The following RHBDL2 variants were observed in gnomAD, a reference collection of about 807,000 sequenced individuals.
The protein encoded by RHBDL2 is rhomboid-related protein 2.
Under a neutral mutation model 31.7 loss-of-function variants are expected in RHBDL2, and 26 were observed. That is an observed-to-expected ratio of 0.82 (90% CI 0.60 to 1.14). RHBDL2 has a LOEUF of 1.14. RHBDL2 is among the 50% of genes most tolerant of loss of function. The pLI, the probability that RHBDL2 is intolerant of heterozygous loss-of-function variation, is 0.00. For missense variants in RHBDL2, 336 were observed against 364.4 expected (o/e 0.92, Z 0.63); for synonymous variants, 123 against 127.2 (o/e 0.97, Z 0.22).
At chr1:38,940,690 C>T (rs144357601) in intron 1 of RHBDL2, among the ~76,000 whole-genome samples, 2 of 152,336 alleles carry the variant, frequency 1.3e-5, no homozygotes, top group Non-Finnish European at 2.9e-5. Flanking sequence ...GAAGGCTCCA[C>T]AATGAGCCTG....
intron 4 of RHBDL2, among the ~76,000 whole-genome samples, chr1:38,901,408 C>T (rs1399589456): frequency 6.8e-6 from 1 of 146,290 alleles, no homozygotes; most frequent in Admixed American, 6.9e-5. Flanking sequence ...GTTGCAGTAA[C>T]CCAAGATCGC....
intron 4 of RHBDL2, among the ~76,000 whole-genome samples, chr1:38,899,692 T>C (rs939937518): frequency 6.6e-6 from 1 of 152,220 alleles, no homozygotes; most frequent in Non-Finnish European, 1.5e-5. Flanking sequence ...AAAAGTGAGC[T>C]TTGTCCTGGG....
Position 38,911,647 on chromosome 1 carries a change from C to A in RHBDL2, c.396-213G>T, listed in dbSNP as rs9438992. The stretch of plus-strand genomic sequence containing the variant: ...GTGTGTGTGTGTGTGTGTGTGTGTG[C>A]GCGCGCGCGCGCGTGTGTGACTTGC... On this transcript the variant is annotated intron_variant, in intron 3 of 7. Transcript: ENST00000372990. Among the ~76,000 whole-genome samples, 9 of 54,210 alleles carry A rather than the reference C, an allele frequency of 1.7e-4. No homozygotes were observed. The East Asian group carries it at 3.9e-3, about 24-fold the overall frequency. The allele number at this position is 54,210 out of a possible 152,430, so 35.6% of individuals were successfully genotyped here. A position where few individuals can be genotyped will look rare whatever the true frequency, so the allele number is the denominator to read the frequency against.
chr1:38,911,802 G>A (rs1357562187), intron 3 of RHBDL2, among the ~76,000 whole-genome samples: 1 of 151,640 alleles, frequency 6.6e-6, no homozygotes. Flanking sequence ...ACCACTCCTG[G>A]CTAATTTTTT....
At chr1:38,889,436 G>A (rs1642828050) in intron 6 of RHBDL2, among the ~76,000 whole-genome samples, 1 of 152,130 alleles carries the variant, frequency 6.6e-6, no homozygotes, top group South Asian at 2.1e-4. Context: ...CATATAGGAA[G>A]TAGACTATAA....
At chr1:38,902,201 C>T (rs796428772) in intron 4 of RHBDL2, among the ~76,000 whole-genome samples, 13 of 92,806 alleles carry the variant, frequency 1.4e-4, no homozygotes, top group Admixed American at 4.7e-4. Context: ...TTTTCTTTTT[C>T]TTTTTTTTTT....
At chr1:38,929,793 C>T (rs917046124) in intron 1 of RHBDL2, among the ~76,000 whole-genome samples, 13 of 152,174 alleles carry the variant, frequency 8.5e-5, no homozygotes, top group Non-Finnish European at 1.8e-4. Flanking sequence ...ACACTGCAAA[C>T]CATCATTATG....
Position 38,915,697 on chromosome 1 carries a change from A to C in RHBDL2, c.260T>G (p.Ile87Ser). Residue 87 changes from isoleucine to serine, a missense_variant, in exon 3 of 8, where the codon ATT becomes AGT. Coordinates refer to ENST00000372990, the MANE Select transcript of RHBDL2 (RefSeq NM_017821.5). ...SISLAELAVF[I>S]YYAVWKPQKQ... ...CTGAGGCTTCCACACAGCATAGTAAATAAACACTGCCAGCTGATGGAGGGA... is the reference window on the plus strand; with the variant it reads ...CTGAGGCTTCCACACAGCATAGTAACTAAACACTGCCAGCTGATGGAGGGA... The C allele has an allele frequency of 6.2e-7, 1 of 1,614,146 alleles. No individual in the cohort carries two copies. The highest frequency in any genetic ancestry group is 8.5e-7 in the Non-Finnish European group (1 of 1,180,020).
chr1:38,895,074 A>G (rs1642900503), intron 5 of RHBDL2, among the ~76,000 whole-genome samples: 1 of 152,112 alleles, frequency 6.6e-6, no homozygotes, highest in South Asian at 2.1e-4. Context: ...TTTCAGCGAG[A>G]GATTCATTAA....
chr1:38,886,673 G>T lies in RHBDL2; in HGVS notation c.743C>A (p.Ala248Glu). ...AGCAAATCCACCTGCAATGTGAGCT[G>T]CAAAAGACACCTTGGGAGAAAAGGA... ...VPEDGSPVSFAAHIAGGFAGM... is the reference protein window; with the variant it reads ...VPEDGSPVSFEAHIAGGFAGM... Residue 248 changes from alanine to glutamate, a missense_variant, in exon 8 of 8, where the codon GCA (alanine) becomes GAA (glutamate). Ala to Glu is a moderately radical substitution (Grantham distance 107). Transcript: ENST00000372990. The T allele has an allele frequency of 6.4e-7, 1 of 1,550,906 alleles. No homozygotes were observed. The highest frequency in any genetic ancestry group is 8.7e-7 in the Non-Finnish European group (1 of 1,143,614).
intron 4 of RHBDL2, among the ~76,000 whole-genome samples, chr1:38,907,811 T>C (rs1304656373): frequency 6.6e-6 from 1 of 152,166 alleles, no homozygotes; most frequent in Non-Finnish European, 1.5e-5. Flanking sequence ...GAAAAAATCC[T>C]CAGGACCTAA....
In RHBDL2 at chr1:38,919,120, T is replaced by C; in HGVS notation, c.93A>G (p.Arg31=). The C allele has an allele frequency of 6.2e-7, 1 of 1,614,112 alleles. No individual in the cohort carries two copies. Among genetic ancestry groups the C allele is most frequent in the Non-Finnish European group, 8.5e-7 (1 of 1,180,016 alleles). Residue 31 remains arginine (R), a synonymous_variant, in exon 2 of 8, where the codon AGA becomes AGG. Coordinates refer to ENST00000372990, the MANE Select transcript of RHBDL2 (RefSeq NM_017821.5). ...KEELEEEEKM[R]EDGGGKDRAK... ...CCCGATCTTTACCTCCCCCATCCTC[T>C]CTCATTTTCTCCTCTTCCTCCAGCT...
chr1:38,887,487 C>T (rs188010876), intron 7 of RHBDL2, among the ~76,000 whole-genome samples: 2 of 152,138 alleles, frequency 1.3e-5, no homozygotes, highest in African/African-American at 4.8e-5. Context: ...TGCAGTGGTG[C>T]GATCTCGGCT....
In RHBDL2 at chr1:38,887,990, C is replaced by T; in HGVS notation, c.705G>A (p.Arg235=). ...GAGACCCATCTTCAGGAACAAAGAA[C>T]CTTCTATAGAGAGCAAATCCCATGT... is the stretch of plus-strand genomic sequence containing the variant. The part of the protein sequence containing the change: ...VLDMGFALYR[R]FFVPEDGSPV... Residue 235 remains arginine (R), a synonymous_variant, in exon 7 of 8, where the codon AGG becomes AGA. Coordinates refer to ENST00000372990, the MANE Select transcript of RHBDL2 (RefSeq NM_017821.5). 2.5e-6 allele frequency: 4 copies of T among 1,612,592 alleles called. No individual in the cohort carries two copies. The highest frequency in any genetic ancestry group is 3.4e-6 in the Non-Finnish European group (4 of 1,178,870).
intron 1 of RHBDL2, among the ~76,000 whole-genome samples, chr1:38,937,664 C>T (rs1054605010): frequency 9.9e-5 from 15 of 152,166 alleles, no homozygotes; most frequent in Non-Finnish European, 2.1e-4. Context: ...AACCCTTCTA[C>T]ACCTCCATCT....
At position 38,919,335 on chromosome 1, in the gene RHBDL2, T is replaced by C; in HGVS notation, c.-123A>G. 6.3e-7 allele frequency: 1 copy of C among 1,588,788 alleles called. No homozygotes were observed. Among genetic ancestry groups the C allele is most frequent in the Non-Finnish European group, 8.5e-7 (1 of 1,170,778 alleles). ...GCGCAACGACTGCTTTCCAAGGCCT[T>C]TCCTGTATGTGAAGAGAAGACAGCT... On this transcript the variant is annotated splice_region_variant and 5_prime_UTR_variant, in exon 2 of 8. Coordinates refer to ENST00000372990, the MANE Select transcript of RHBDL2 (RefSeq NM_017821.5).
intron 4 of RHBDL2, among the ~76,000 whole-genome samples, chr1:38,909,403 G>C (rs975725335): frequency 6.6e-6 from 1 of 152,122 alleles, no homozygotes; most frequent in South Asian, 2.1e-4. Context: ...GCATTGCTAC[G>C]GTGAATGTAA....
chr1:38,920,166 CTTT>C (rs71057165), intron 1 of RHBDL2, among the ~76,000 whole-genome samples: 1 of 111,396 alleles, frequency 9.0e-6, no homozygotes, highest in African/African-American at 3.5e-5. Context: ...CACATGTTTT[CTTT>C]TTTTTTTTTT....
chr1:38,886,522 GA>G lies in RHBDL2; in HGVS notation c.893del (p.Phe298SerfsTer12). ...GGGCAGGTCAGTTTGCTGGAGATAGGAAAATGTTGAAAAACACAGCAAATAA... is the reference window on the plus strand; with the variant it reads ...GGGCAGGTCAGTTTGCTGGAGATAGGAAATGTTGAAAAACACAGCAAATAA... ...CVLFAVFFNI[F>X]LSPAN On this transcript the variant is annotated frameshift_variant, in exon 8 of 8. Coordinates refer to ENST00000372990, the MANE Select transcript of RHBDL2 (RefSeq NM_017821.5). LOFTEE classifies it high-confidence loss of function. 2 of 1,584,226 alleles carry G rather than the reference GA, an allele frequency of 1.3e-6. No homozygotes were observed. The highest frequency in any genetic ancestry group is 1.7e-6 in the Non-Finnish European group (2 of 1,160,130).
Sources: gnomAD v4.1 joint callset for allele counts (sites outside exome capture counted in the v4.1 genomes callset) on GRCh38, gnomAD v4.1.1 for gene constraint, MANE v1.5 for transcripts, NCBI Gene and HGNC (gene_info 2026-07-23, HGNC 2026-07-21) for gene names.